GRID1: variants seen among roughly 807,000 people sequenced by gnomAD.
GRID1 encodes the protein glutamate receptor ionotropic, delta-1.
Under a neutral mutation model 98.0 loss-of-function variants are expected in GRID1, and 28 were observed. The ratio of observed to expected loss-of-function variants is 0.29; its 90% CI spans 0.21 to 0.39. The LOEUF is 0.39. GRID1 is among the 10% of genes least tolerant of loss of function. GRID1 has a pLI of 1.00. For missense variants in GRID1, 1,111 were observed against 1,340.5 expected (o/e 0.83, Z 2.67); for synonymous variants, 553 against 538.5 (o/e 1.03, Z -0.37).
chr10:85,914,410 T>G (rs557855426), intron 5 of GRID1, among the ~76,000 whole-genome samples: 1 of 152,112 alleles, frequency 6.6e-6, no homozygotes, highest in Non-Finnish European at 1.5e-5. Flanking sequence ...AACTGGACTA[T>G]GAAGAGCCAC....
rs150278213 is a variant in GRID1, at chr10:86,195,064, C to T, written c.520+11300G>A. On this transcript the variant is annotated intron_variant, in intron 3 of 15. Coordinates refer to ENST00000327946, the MANE Select transcript of GRID1 (RefSeq NM_017551.3). This position sits in a 1 kb window ranked among gnomAD's most constrained non-coding sequence, Gnocchi z 4.4. Reference sequence around the variant, plus strand: ...CAGCAAGGAGTGCCAGAACGCACAACCCTTGCTATGACCCGCTTCAAGTCT... The same window carrying T: ...CAGCAAGGAGTGCCAGAACGCACAATCCTTGCTATGACCCGCTTCAAGTCT... 3.1e-3 allele frequency among the ~76,000 whole-genome samples: 474 copies of T among 152,218 alleles called. 2 individuals are homozygous for T. The highest frequency in any genetic ancestry group is 0.011 in the African/African-American group (450 of 41,560).
chr10:86,169,152 T>C (rs1356578362), intron 3 of GRID1, among the ~76,000 whole-genome samples: 1 of 152,170 alleles, frequency 6.6e-6, no homozygotes, highest in African/African-American at 2.4e-5. Flanking sequence ...GTGTCAGACC[T>C]AGGGATTTGG....
rs1290859862 is a variant in GRID1, at chr10:85,602,578, C to T, written c.2725G>A (p.Ala909Thr). 1 of 1,614,058 alleles carries T rather than the reference C, an allele frequency of 6.2e-7. No homozygotes were observed. Among genetic ancestry groups the T allele is most frequent in the Non-Finnish European group, 8.5e-7 (1 of 1,179,990 alleles). Residue 909 changes from alanine to threonine, a missense_variant, in exon 16 of 16, where the codon GCT (alanine) becomes ACT (threonine). Physicochemically the swap from Ala to Thr is moderately conservative, Grantham distance 58. Transcript: ENST00000327946. ...ELSALEMGGL[A>T]PTQTLEPTRE... Reference sequence around the variant, plus strand: ...GTCGGCTCCAAGGTCTGGGTGGGAGCCAGGCCCCCCATCTCCAGGGCCGAG... The same window carrying T: ...GTCGGCTCCAAGGTCTGGGTGGGAGTCAGGCCCCCCATCTCCAGGGCCGAG...
chr10:85,614,648 A>C (rs1842768593), intron 14 of GRID1, among the ~76,000 whole-genome samples: 1 of 152,100 alleles, frequency 6.6e-6, no homozygotes. Flanking sequence ...CACATTTAAG[A>C]AGCAGAAAAA....
intron 5 of GRID1, among the ~76,000 whole-genome samples, chr10:85,898,721 G>T (rs1415823418): frequency 6.6e-6 from 1 of 152,130 alleles, no homozygotes; most frequent in African/African-American, 2.4e-5. Context: ...GCAATAGCAT[G>T]CATGGAGCTG....
In GRID1 at chr10:86,138,812, G is replaced by T. The variant is rs1191175257; in HGVS notation, c.726+7C>A. On this transcript the variant is annotated splice_region_variant and intron_variant, in intron 4 of 15. Transcript: ENST00000327946. ...GGCCCCTGAGGCCTCAGGCCCCCAT[G>T]ACCTACCTCGTTGATGAAGGAGTGG... The T allele has an allele frequency of 6.2e-7, 1 of 1,611,508 alleles. No individual in the cohort carries two copies. Among genetic ancestry groups the T allele is most frequent in the Non-Finnish European group, 8.5e-7 (1 of 1,177,920 alleles).
At chr10:85,670,332 C>A (rs7097275) in intron 12 of GRID1, among the ~76,000 whole-genome samples, 40,594 of 152,052 alleles carry the variant, frequency 0.27, 5,590 homozygotes, top group Middle Eastern at 0.37. Flanking sequence ...CTGAGACTTG[C>A]ATTAGAAACA....
chr10:85,711,060 G>T (rs577300620), intron 12 of GRID1, among the ~76,000 whole-genome samples: 1 of 152,086 alleles, frequency 6.6e-6, no homozygotes, highest in African/African-American at 2.4e-5. Context: ...GTAGAAAACT[G>T]TATGGTTATT....
intron 4 of GRID1, among the ~76,000 whole-genome samples, chr10:86,045,655 G>C (rs1487024056): frequency 6.6e-6 from 1 of 152,118 alleles, no homozygotes; most frequent in Non-Finnish European, 1.5e-5. Flanking sequence ...GAGAGAGTGA[G>C]ATGGTGGAAG....
intron 3 of GRID1, among the ~76,000 whole-genome samples, chr10:86,177,289 C>T (rs962947722): frequency 2.0e-5 from 3 of 152,150 alleles, no homozygotes; most frequent in Admixed American, 6.5e-5. Context: ...CTACTCCCTC[C>T]AATTACGGCT....
At chr10:85,774,569 C>A (rs1175198088) in intron 8 of GRID1, among the ~76,000 whole-genome samples, 6 of 151,982 alleles carry the variant, frequency 3.9e-5, no homozygotes, top group Non-Finnish European at 5.9e-5. Context: ...TTTTCGCAAC[C>A]TACTCATCTG....
At chr10:86,189,606 A>C (rs71471192) in intron 3 of GRID1, among the ~76,000 whole-genome samples, 1,843 of 152,250 alleles carry the variant, frequency 0.012, 17 homozygotes, top group Non-Finnish European at 0.02. Context: ...ATGAACCTGC[A>C]ATAGCTCCCT....
At chr10:86,294,823 T>C (rs754819575) in intron 2 of GRID1, among the ~76,000 whole-genome samples, 1 of 151,672 alleles carries the variant, frequency 6.6e-6, no homozygotes, top group Non-Finnish European at 1.5e-5. Flanking sequence ...AGAAGACAGA[T>C]GATTAAAGTT....
intron 4 of GRID1, among the ~76,000 whole-genome samples, chr10:86,000,548 C>T (rs368802696): frequency 3.3e-5 from 5 of 152,256 alleles, no homozygotes; most frequent in African/African-American, 1.2e-4. Context: ...GTAATCAAAA[C>T]AGCATGGTAT....
At chr10:85,783,508 G>A (rs947631870) in intron 8 of GRID1, among the ~76,000 whole-genome samples, 4 of 152,186 alleles carry the variant, frequency 2.6e-5, no homozygotes, top group African/African-American at 9.7e-5. Context: ...TCGTGGCATT[G>A]CCCAGAAACC....
At chr10:85,761,777 G>C (rs1564582298) in intron 8 of GRID1, among the ~76,000 whole-genome samples, 2 of 152,088 alleles carry the variant, frequency 1.3e-5, no homozygotes, top group African/African-American at 4.8e-5. Context: ...TGGCCCCTCT[G>C]TCTGCCAGAC....
At chr10:86,337,226 TC>T (rs1350216851) in intron 2 of GRID1, among the ~76,000 whole-genome samples, 1 of 151,904 alleles carries the variant, frequency 6.6e-6, no homozygotes, top group African/African-American at 2.4e-5. Flanking sequence ...ACGCAGCCCA[TC>T]CCCTGTTAGG....
chr10:85,892,941 A>C (rs2131810516), intron 5 of GRID1, among the ~76,000 whole-genome samples: 1 of 152,266 alleles, frequency 6.6e-6, no homozygotes, highest in South Asian at 2.1e-4. Flanking sequence ...ATCTCTGGGC[A>C]TAGATACAAA....
At chr10:86,061,430 T>A (rs892425135) in intron 4 of GRID1, among the ~76,000 whole-genome samples, 1 of 152,150 alleles carries the variant, frequency 6.6e-6, no homozygotes, top group Admixed American at 6.5e-5. Flanking sequence ...AGCAGCCACC[T>A]CCCAGTAGAC....
Sources: gnomAD v4.1 joint callset for allele counts (sites outside exome capture counted in the v4.1 genomes callset) on GRCh38, gnomAD v4.1.1 for gene constraint, Gnocchi (gnomAD v3.1) non-coding constraint, MANE v1.5 for transcripts, NCBI Gene and HGNC (gene_info 2026-07-23, HGNC 2026-07-21) for gene names.